TAF3: variants seen among roughly 807,000 people sequenced by gnomAD.
TAF3 encodes the protein TATA-box binding protein associated factor 3.
Under a neutral mutation model 80.6 loss-of-function variants are expected in TAF3, and 7 were observed. The ratio of observed to expected loss-of-function variants is 0.09; its 90% CI spans 0.05 to 0.16. TAF3 has a LOEUF of 0.16. Among genes scored for constraint, TAF3 ranks in the 10% least tolerant of loss-of-function variants. The pLI, the probability that TAF3 is intolerant of heterozygous loss-of-function variation, is 1.00. For missense variants in TAF3, 921 were observed against 1,140.2 expected (o/e 0.81, Z 2.77); for synonymous variants, 444 against 446.1 (o/e 1.00, Z 0.06).
chr10:8,007,562 T>TTATATATATATATATA (rs34833399), intron 4 of TAF3, among the ~76,000 whole-genome samples: 1 of 60,510 alleles, frequency 1.7e-5, no homozygotes, highest in African/African-American at 7.5e-5. Flanking sequence ...GTGTGTGAAA[T>TTATATATATATATATA]TATATATATA....
rs144652058 is a variant in TAF3 at position 7,838,616 on chromosome 10, A to G, written c.409+14056A>G. Among the ~76,000 whole-genome samples the G allele has an allele frequency of 4.1e-3, 631 of 152,234 alleles. 6 individuals carry two copies. The highest frequency in any genetic ancestry group is 0.014 in the African/African-American group (601 of 41,540). On this transcript the variant is annotated intron_variant, in intron 2 of 6. Transcript: ENST00000344293. Reference sequence around the variant, plus strand: ...AGGCTGGTCTCAAACTCCTGACCTCAGGTGATCCACCCACCTAGGCCTCTC... The same window carrying G: ...AGGCTGGTCTCAAACTCCTGACCTCGGGTGATCCACCCACCTAGGCCTCTC...
At chr10:7,830,273 C>G (rs985260352) in intron 2 of TAF3, among the ~76,000 whole-genome samples, 1 of 151,994 alleles carries the variant, frequency 6.6e-6, no homozygotes, top group Non-Finnish European at 1.5e-5. Context: ...AGAAACAGAA[C>G]TTTACCAGCT....
chr10:8,010,890 A>G (rs922374633), intron 5 of TAF3, among the ~76,000 whole-genome samples: 1 of 152,196 alleles, frequency 6.6e-6, no homozygotes, highest in Non-Finnish European at 1.5e-5. Context: ...CCTGAGGGAC[A>G]AGAGCGAAAC....
chr10:7,846,313 A>G (rs1041522407), intron 2 of TAF3, among the ~76,000 whole-genome samples: 1 of 152,224 alleles, frequency 6.6e-6, no homozygotes, highest in African/African-American at 2.4e-5. Flanking sequence ...AAAGTATTGT[A>G]TTAATTTACA....
At chr10:7,928,454 T>C (rs1005010453) in intron 2 of TAF3, among the ~76,000 whole-genome samples, 2 of 152,238 alleles carry the variant, frequency 1.3e-5, no homozygotes, top group Admixed American at 1.3e-4. Context: ...TTTTAATGCA[T>C]TTATGGAAAT....
chr10:7,915,571 A>T (rs1837703498), intron 2 of TAF3, among the ~76,000 whole-genome samples: 1 of 143,990 alleles, frequency 6.9e-6, no homozygotes, highest in South Asian at 2.2e-4. Context: ...TGAACCCGGG[A>T]GGCGGATCTT....
rs751019261 is a variant in TAF3, at chr10:7,977,361, A to C, written c.2315+38A>C. 1.1e-5 allele frequency: 17 copies of C among 1,594,608 alleles called. No homozygotes were observed. In the South Asian group the frequency reaches 1.8e-4, roughly 17 times the overall value. Reference sequence around the variant, plus strand: ...GTTTTGAATCAGGGTGAAACAAATGAAATTTAACCTTCTCTACTCTTTCCT... The same window carrying C: ...GTTTTGAATCAGGGTGAAACAAATGCAATTTAACCTTCTCTACTCTTTCCT... On this transcript the variant is annotated intron_variant, in intron 4 of 6. Coordinates refer to ENST00000344293, the MANE Select transcript of TAF3 (RefSeq NM_031923.4).
At position 7,965,331 on chromosome 10, in the gene TAF3, A is replaced by G. The variant is rs1322279621; in HGVS notation, c.1821A>G (p.Gly607=). Reference sequence around the variant, plus strand: ...ATCCCAAAGTGAAATTGAAAGATGGACTTGTGAGGAAGGAGAAAGAGAAGC... The same window carrying G: ...ATCCCAAAGTGAAATTGAAAGATGGGCTTGTGAGGAAGGAGAAAGAGAAGC... The part of the protein sequence containing the change: ...DVDPKVKLKD[G]LVRKEKEKHK... Residue 607 remains glycine (G), a synonymous_variant, in exon 3 of 7, where the codon GGA becomes GGG. Transcript: ENST00000344293. 1.2e-6 allele frequency: 2 copies of G among 1,603,414 alleles called. No homozygotes were observed. The highest frequency in any genetic ancestry group is 1.1e-5 in the South Asian group (1 of 87,874).
At position 7,835,925 on chromosome 10, in the gene TAF3, C is replaced by T. The variant is rs80050647; in HGVS notation, c.409+11365C>T. ...ACAAACTACCTTGCCCCAGCTACCA[C>T]TTTCTTCCCAGGATTCCCCTTATTG... On this transcript the variant is annotated intron_variant, in intron 2 of 6. Transcript: ENST00000344293. 3.3e-3 allele frequency among the ~76,000 whole-genome samples: 501 copies of T among 152,310 alleles called. 9 individuals are homozygous for T. The East Asian group carries it at 0.074, about 22-fold the overall frequency.
At chr10:7,928,868 A>G (rs1189722874) in intron 2 of TAF3, among the ~76,000 whole-genome samples, 15 of 152,180 alleles carry the variant, frequency 9.9e-5, no homozygotes, top group Non-Finnish European at 2.2e-4. Flanking sequence ...AAGTAGGCAT[A>G]TTATAAAGTA....
chr10:7,838,908 GTTT>G (rs71505463), intron 2 of TAF3, among the ~76,000 whole-genome samples: 1 of 101,864 alleles, frequency 9.8e-6, no homozygotes, highest in South Asian at 4.0e-4. Flanking sequence ...GGCATTGCTT[GTTT>G]TTTTTTTTTT....
At chr10:7,919,199 C>T (rs1488846510) in intron 2 of TAF3, among the ~76,000 whole-genome samples, 1 of 152,142 alleles carries the variant, frequency 6.6e-6, no homozygotes, top group Non-Finnish European at 1.5e-5. Flanking sequence ...GGCCTAGCTT[C>T]TGGCTAAGGT....
intron 2 of TAF3, among the ~76,000 whole-genome samples, chr10:7,892,947 G>A (rs1205514266): frequency 2.6e-5 from 4 of 151,352 alleles, no homozygotes; most frequent in Non-Finnish European, 5.9e-5. Flanking sequence ...AGCCTCCTGA[G>A]TAGCTGAGAT....
At chr10:7,970,211 AT>A (rs1831608913) in intron 3 of TAF3, among the ~76,000 whole-genome samples, 1 of 152,166 alleles carries the variant, frequency 6.6e-6, no homozygotes, top group Admixed American at 6.5e-5. Flanking sequence ...GATTCTCAAC[AT>A]TTTTTATCCT....
intron 2 of TAF3, among the ~76,000 whole-genome samples, chr10:7,948,979 G>A (rs757810557): frequency 6.6e-5 from 10 of 152,228 alleles, no homozygotes; most frequent in East Asian, 5.8e-4. Flanking sequence ...GGACTGACGC[G>A]CAGAGGTGCT....
At chr10:7,938,710 A>G (rs887395740) in intron 2 of TAF3, among the ~76,000 whole-genome samples, 15 of 152,248 alleles carry the variant, frequency 9.9e-5, no homozygotes, top group African/African-American at 3.6e-4. Context: ...GGAATCTTGA[A>G]GATAAAGATT....
chr10:7,982,229 A>G (rs1249577066), intron 4 of TAF3, among the ~76,000 whole-genome samples: 2 of 152,132 alleles, frequency 1.3e-5, no homozygotes, highest in Non-Finnish European at 2.9e-5. Context: ...AAACAAATTT[A>G]GGGGAAAGTA....
intron 2 of TAF3, 87 bp downstream of exon 2, chr10:7,824,647 A>T: frequency 6.9e-7 from 1 of 1,457,542 alleles, no homozygotes; most frequent in Non-Finnish European, 9.3e-7. Flanking sequence ...TCAACTTTAT[A>T]AATTCTGGAA....
chr10:7,918,315 G>C (rs1174952739), intron 2 of TAF3, among the ~76,000 whole-genome samples: 1 of 152,182 alleles, frequency 6.6e-6, no homozygotes, highest in Non-Finnish European at 1.5e-5. Context: ...GGGATTGCCA[G>C]GCAGTGCTGT....
Sources: gnomAD v4.1 joint callset for allele counts (sites outside exome capture counted in the v4.1 genomes callset) on GRCh38, gnomAD v4.1.1 for gene constraint, MANE v1.5 for transcripts, NCBI Gene and HGNC (gene_info 2026-07-23, HGNC 2026-07-21) for gene names.